LMNTD1: variants seen among roughly 807,000 people sequenced by gnomAD.
The protein encoded by LMNTD1 is lamin tail domain containing 1.
A neutral mutation model predicts 50.9 loss-of-function variants in LMNTD1; 35 were observed. The observed-to-expected ratio is 0.69, with a 90% confidence interval of 0.53 to 0.91. The LOEUF (loss-of-function observed/expected upper bound fraction) is 0.91, where lower values mean the gene tolerates loss of function less well. Ranked by LOEUF, LMNTD1 falls within the 40% of genes least tolerant of loss-of-function variation. The probability of loss-of-function intolerance (pLI) is 0.00; values close to 1 mark genes in which losing one functional copy is unlikely to be tolerated. For synonymous variants in LMNTD1, 153 were observed against 161.9 expected, an observed-to-expected ratio of 0.94 and a Z score of 0.42; for missense variants, 470 against 475.5, an observed-to-expected ratio of 0.99 and a Z score of 0.11.
intron 1 of LMNTD1, among the ~76,000 whole-genome samples, chr12:25,568,167 G>C (rs1944637828): frequency 6.6e-6 from 1 of 152,232 alleles, no homozygotes; most frequent in Non-Finnish European, 1.5e-5. Flanking sequence ...GGTCACCTTT[G>C]TTATGCCTTA....
chr12:25,481,626 A>C (rs1239377815), intron 9 of LMNTD1, among the ~76,000 whole-genome samples: 1 of 151,844 alleles, frequency 6.6e-6, no homozygotes, highest in Non-Finnish European at 1.5e-5. Context: ...AAAGACAATA[A>C]AATGGTGATT....
At chr12:25,638,086 A>G (rs547909842) in intron 1 of LMNTD1, among the ~76,000 whole-genome samples, 59 of 152,216 alleles carry the variant, frequency 3.9e-4, no homozygotes, top group Admixed American at 3.7e-3. Context: ...CAAAGAAAAA[A>G]CACATGATCA....
upstream of LMNTD1, among the ~76,000 whole-genome samples, chr12:25,557,034 C>T (rs1215356361): frequency 1.3e-5 from 2 of 152,154 alleles, no homozygotes. Context: ...CAATTTTAAA[C>T]ACTATGACAT....
At chr12:25,630,381 T>A (rs1946689865) in intron 1 of LMNTD1, among the ~76,000 whole-genome samples, 1 of 152,030 alleles carries the variant, frequency 6.6e-6, no homozygotes, top group African/African-American at 2.4e-5. Flanking sequence ...GCATTGTGAA[T>A]TTTAGCTCCA....
chr12:25,529,646 TCTGTGAGACA>T (rs968222126), intron 4 of LMNTD1, among the ~76,000 whole-genome samples: 2 of 152,198 alleles, frequency 1.3e-5, no homozygotes, highest in Non-Finnish European at 2.9e-5. Flanking sequence ...TCTCATCATT[TCTGTGAGACA>T]CTGAATCAAC....
At position 25,626,585 on chromosome 12, in the gene LMNTD1, T is replaced by C. The variant is rs189808187; in HGVS notation, c.58+21909A>G. ...TAGTGATTCTTTAGGCTGAATTTCC[T>C]AACAGTACTCAGTAAAAGCTAAAAG... is the stretch of plus-strand genomic sequence containing the variant. On this transcript the variant is annotated intron_variant, in intron 1 of 7. Coordinates refer to the LMNTD1 transcript ENST00000445693. Among the ~76,000 whole-genome samples, 386 of 152,312 alleles carry C rather than the reference T, an allele frequency of 2.5e-3. 2 individuals are homozygous for C. Among genetic ancestry groups the C allele is most frequent in the Non-Finnish European group, 4.5e-3 (303 of 68,024 alleles).
chr12:25,618,374 G>A (rs1343993783), intron 1 of LMNTD1, among the ~76,000 whole-genome samples: 1 of 152,058 alleles, frequency 6.6e-6, no homozygotes, highest in East Asian at 1.9e-4. Flanking sequence ...TGCAAGTGAG[G>A]ACCACTCACT....
At chr12:25,535,813 C>G (rs1015513449) in intron 4 of LMNTD1, among the ~76,000 whole-genome samples, 1 of 152,022 alleles carries the variant, frequency 6.6e-6, no homozygotes, top group Non-Finnish European at 1.5e-5. Context: ...CAAGTCTCAA[C>G]TATATGCTAC....
chr12:25,571,035 A>C (rs1353256506), intron 1 of LMNTD1, among the ~76,000 whole-genome samples: 1 of 152,208 alleles, frequency 6.6e-6, no homozygotes, highest in African/African-American at 2.4e-5. Context: ...TAGGTGGCTC[A>C]GTGCTCAGCA....
intron 1 of LMNTD1, among the ~76,000 whole-genome samples, chr12:25,592,171 C>A (rs1945720140): frequency 6.6e-6 from 1 of 152,124 alleles, no homozygotes; most frequent in Non-Finnish European, 1.5e-5. Flanking sequence ...CAACATCATG[C>A]AGAAAAACAT....
intron 9 of LMNTD1, among the ~76,000 whole-genome samples, chr12:25,484,468 T>C (rs7307517): frequency 0.19 from 28,338 of 151,838 alleles, 2,944 homozygotes; most frequent in Middle Eastern, 0.24. Flanking sequence ...GGTGAGTACA[T>C]TATGAGAGAA....
At chr12:25,617,748 T>C (rs1946379031) in intron 1 of LMNTD1, among the ~76,000 whole-genome samples, 1 of 152,232 alleles carries the variant, frequency 6.6e-6, no homozygotes, top group Non-Finnish European at 1.5e-5. Flanking sequence ...ACTCTATCAA[T>C]TGCAATGCCA....
intron 9 of LMNTD1, among the ~76,000 whole-genome samples, chr12:25,487,007 T>C (rs1484804613): frequency 2.0e-5 from 3 of 151,472 alleles, no homozygotes; most frequent in African/African-American, 4.9e-5. Flanking sequence ...GACAGTTTGT[T>C]ATAATTTCTG....
At chr12:25,481,185 G>A (rs1938430957) in intron 9 of LMNTD1, among the ~76,000 whole-genome samples, 1 of 151,838 alleles carries the variant, frequency 6.6e-6, no homozygotes, top group Non-Finnish European at 1.5e-5. Context: ...CACCTTCCTT[G>A]TCCATCCTAT....
chr12:25,490,650 G>A (rs1938852883), intron 9 of LMNTD1, among the ~76,000 whole-genome samples: 1 of 152,194 alleles, frequency 6.6e-6, no homozygotes, highest in South Asian at 2.1e-4. Flanking sequence ...CAGTTATTTT[G>A]CTGCTGCTTC....
intron 9 of LMNTD1, among the ~76,000 whole-genome samples, chr12:25,479,159 C>T (rs1405930615): frequency 6.6e-6 from 1 of 152,146 alleles, no homozygotes; most frequent in Non-Finnish European, 1.5e-5. Context: ...GTAGGAGGAG[C>T]CCAAAGTGTA....
At chr12:25,587,182 G>T (rs1175721273) in intron 1 of LMNTD1, among the ~76,000 whole-genome samples, 1 of 152,088 alleles carries the variant, frequency 6.6e-6, no homozygotes, top group Non-Finnish European at 1.5e-5. Context: ...ACCTGTTCTT[G>T]CTTCTATTAT....
chr12:25,609,880 G>A (rs776013118), intron 1 of LMNTD1, among the ~76,000 whole-genome samples: 3 of 152,358 alleles, frequency 2.0e-5, no homozygotes, highest in Non-Finnish European at 4.4e-5. Context: ...CTTCAGAGCT[G>A]TCAGACAGGG....
intron 1 of LMNTD1, among the ~76,000 whole-genome samples, chr12:25,629,097 T>C (rs1946658312): frequency 6.6e-6 from 1 of 152,090 alleles, no homozygotes; most frequent in Non-Finnish European, 1.5e-5. Flanking sequence ...AAATGTTTAT[T>C]AAAGAAAATT....
Sources: allele counts gnomAD v4.1 joint callset (sites outside exome capture counted in the v4.1 genomes callset), GRCh38; gene constraint gnomAD v4.1.1; transcripts MANE v1.5; gene names NCBI Gene and HGNC (gene_info 2026-07-23, HGNC 2026-07-21).